The following DYM variants were observed in gnomAD, a reference collection of about 807,000 sequenced individuals.
The protein encoded by DYM is dymeclin.
A neutral mutation model predicts 93.1 loss-of-function variants in DYM; 78 were observed. The observed-to-expected ratio is 0.84, with a 90% CI of 0.70 to 1.01. DYM has a LOEUF of 1.01. Among genes scored for constraint, DYM ranks in the 50% least tolerant of loss-of-function variants. The pLI is 0.00. For missense variants in DYM, 789 were observed against 845.0 expected, an observed-to-expected ratio of 0.93 and a Z score of 0.82; for synonymous variants, 321 against 319.7, an observed-to-expected ratio of 1.00 and a Z score of -0.04.
chr18:49,156,645 T>C (rs181192171), intron 15 of DYM, among the ~76,000 whole-genome samples: 2 of 150,452 alleles, frequency 1.3e-5, no homozygotes, highest in Non-Finnish European at 2.9e-5. Flanking sequence ...GGCAGGAGAA[T>C]TGCTTGAACC....
intron 1 of DYM, among the ~76,000 whole-genome samples, chr18:49,452,181 G>A (rs995759936): frequency 2.0e-5 from 3 of 152,166 alleles, no homozygotes; most frequent in Admixed American, 6.5e-5. Context: ...GGATGTGTTC[G>A]GAGTTTCTTC....
chr18:49,049,152 A>G (rs1170022894), intron 17 of DYM, among the ~76,000 whole-genome samples: 1 of 152,256 alleles, frequency 6.6e-6, no homozygotes, highest in African/African-American at 2.4e-5. Flanking sequence ...TAAAAATAAT[A>G]AATTCTGAGA....
Position 49,282,027 on chromosome 18 carries a change from G to A in DYM, c.1095C>T (p.Tyr365=). 7 of 1,613,976 alleles carry A rather than the reference G, an allele frequency of 4.3e-6. No homozygotes were observed. Among genetic ancestry groups the A allele is most frequent in the Admixed American group, 1.7e-5 (1 of 60,010 alleles). ...TTTCCATATCTGTGCGAGCCAACATGTATGTTCTAATATTACTATTTTGAT... is the reference window on the plus strand; with the variant it reads ...TTTCCATATCTGTGCGAGCCAACATATATGTTCTAATATTACTATTTTGAT... ...LLHQNSNIRT[Y]MLARTDMENL... Residue 365 remains tyrosine, a synonymous_variant, in exon 10 of 18, where the codon TAC becomes TAT. Transcript: ENST00000675505.
At chr18:49,395,449 G>C (rs1164432444) in intron 2 of DYM, among the ~76,000 whole-genome samples, 2 of 151,928 alleles carry the variant, frequency 1.3e-5, no homozygotes, top group Admixed American at 1.3e-4. Context: ...GACCAACATG[G>C]AGAAACCCTA....
intron 2 of DYM, among the ~76,000 whole-genome samples, chr18:49,423,711 G>A (rs1320119454): frequency 2.0e-5 from 3 of 151,942 alleles, no homozygotes; most frequent in African/African-American, 7.3e-5. Context: ...ATGATAAAGG[G>A]GATATCACTA....
intron 6 of DYM, among the ~76,000 whole-genome samples, chr18:49,342,977 G>A (rs773251403): frequency 8.5e-5 from 13 of 152,170 alleles, no homozygotes; most frequent in Non-Finnish European, 1.9e-4. Flanking sequence ...TATACACAAT[G>A]AAGCACAGCT....
intron 1 of DYM, among the ~76,000 whole-genome samples, chr18:49,436,314 CTACCCAA>C (rs2080862517): frequency 6.6e-6 from 1 of 152,186 alleles, no homozygotes; most frequent in African/African-American, 2.4e-5. Flanking sequence ...CCTCTCCCAG[CTACCCAA>C]TAAATTATTT....
intron 13 of DYM, among the ~76,000 whole-genome samples, chr18:49,255,230 C>T (rs1245506177): frequency 1.3e-5 from 2 of 152,296 alleles, no homozygotes; most frequent in East Asian, 3.9e-4. Context: ...GTTATCACCA[C>T]CAATGACTGC....
At chr18:49,417,623 GCA>G (rs2148290222) in intron 2 of DYM, among the ~76,000 whole-genome samples, 1 of 152,094 alleles carries the variant, frequency 6.6e-6, no homozygotes, top group East Asian at 1.9e-4. Context: ...ATGAAAAAAA[GCA>G]CAAAGTGAAA....
At chr18:49,168,526 G>A (rs1217513997) in intron 14 of DYM, among the ~76,000 whole-genome samples, 2 of 152,158 alleles carry the variant, frequency 1.3e-5, no homozygotes, top group Non-Finnish European at 2.9e-5. Flanking sequence ...TACACAGATG[G>A]TGGCAGGAGA....
At chr18:49,419,445 A>G (rs1026918675) in intron 2 of DYM, among the ~76,000 whole-genome samples, 1 of 152,176 alleles carries the variant, frequency 6.6e-6, no homozygotes, top group Admixed American at 6.5e-5. Context: ...TAATAACTTA[A>G]ACTGTGAGGC....
chr18:49,298,034 A>G (rs2060669015), intron 8 of DYM, among the ~76,000 whole-genome samples: 1 of 152,192 alleles, frequency 6.6e-6, no homozygotes, highest in Non-Finnish European at 1.5e-5. Flanking sequence ...GGTCACTAAT[A>G]GTTTCACCTT....
At chr18:49,435,207 C>CAAAAA (rs150003482) in intron 1 of DYM, among the ~76,000 whole-genome samples, 10 of 88,712 alleles carry the variant, frequency 1.1e-4, no homozygotes, top group Non-Finnish European at 1.5e-4. Context: ...GACTCCATCT[C>CAAAAA]AAAAAAAAAA....
chr18:49,245,247 T>C (rs1418209133), intron 13 of DYM, among the ~76,000 whole-genome samples: 1 of 152,210 alleles, frequency 6.6e-6, no homozygotes, highest in Non-Finnish European at 1.5e-5. Flanking sequence ...GTAAAACATG[T>C]ATTTGAACAG....
At chr18:49,252,157 G>C (rs1203676263) in intron 13 of DYM, among the ~76,000 whole-genome samples, 4 of 131,378 alleles carry the variant, frequency 3.0e-5, no homozygotes. Flanking sequence ...GGTGGAGGTT[G>C]CAGTAAGCTG....
At chr18:49,145,384 T>A (rs2085009247) in intron 15 of DYM, among the ~76,000 whole-genome samples, 1 of 152,060 alleles carries the variant, frequency 6.6e-6, no homozygotes, top group South Asian at 2.1e-4. Flanking sequence ...GTTCACTGAT[T>A]TCAATTTATT....
At chr18:49,430,179 T>C (rs1236286968) in intron 2 of DYM, 76 bp downstream of exon 2, 49 of 1,318,892 alleles carry the variant, frequency 3.7e-5, no homozygotes, top group Non-Finnish European at 5.2e-5. Context: ...CATTTCTAAA[T>C]TTTTTTTTAA....
intron 17 of DYM, among the ~76,000 whole-genome samples, chr18:49,075,961 A>C (rs773791742): frequency 6.6e-5 from 10 of 152,170 alleles, no homozygotes; most frequent in Non-Finnish European, 1.3e-4. Context: ...TTTTTCTTTC[A>C]TTGGGGCTGT....
chr18:49,269,399 T>A (rs1599016877), intron 11 of DYM, among the ~76,000 whole-genome samples: 1 of 152,150 alleles, frequency 6.6e-6, no homozygotes, highest in Non-Finnish European at 1.5e-5. Flanking sequence ...AAACAGTATA[T>A]AGATTCTTAA....
Sources: gnomAD v4.1 joint callset for allele counts (sites outside exome capture counted in the v4.1 genomes callset) on GRCh38, gnomAD v4.1.1 for gene constraint, MANE v1.5 for transcripts, NCBI Gene and HGNC (gene_info 2026-07-23, HGNC 2026-07-21) for gene names.